The following FRAS1 variants were observed in gnomAD, a reference collection of about 807,000 sequenced individuals.
FRAS1 encodes the protein Fraser extracellular matrix complex subunit 1.
FRAS1 carries 290 observed loss-of-function variants against 435.2 expected under a neutral mutation model. The ratio of observed to expected loss-of-function variants is 0.67; its 90% CI spans 0.61 to 0.73. FRAS1 has a LOEUF of 0.73. FRAS1 is among the 30% of genes least tolerant of loss of function. The probability of loss-of-function intolerance (pLI) is 0.00; values close to 1 mark genes in which losing one functional copy is unlikely to be tolerated. For synonymous variants in FRAS1, 1,800 were observed against 1,851.0 expected, an observed-to-expected ratio of 0.97 and a Z score of 0.71; for missense variants, 4,860 against 5,001.5, an observed-to-expected ratio of 0.97 and a Z score of 0.85.
intron 66 of FRAS1, among the ~76,000 whole-genome samples, chr4:78,517,037 A>G (rs919038212): frequency 3.3e-5 from 5 of 152,230 alleles, no homozygotes; most frequent in Admixed American, 6.5e-5. Context: ...ATTCTAAAAC[A>G]GGTTCTATCC....
chr4:78,308,154 C>A lies in FRAS1; in HGVS notation c.1623C>A (p.Gly541=), dbSNP rs371293049. ...CRDPLHVLRD[G]GCESSCGKGF... is the part of the protein sequence containing the mutation. ...ATCCCCTCCACGTGCTGAGAGATGGCGGCTGTGAGAGCAGCTGTGGAAAAG... is the reference window on the plus strand; with the variant it reads ...ATCCCCTCCACGTGCTGAGAGATGGAGGCTGTGAGAGCAGCTGTGGAAAAG... The change falls in exon 15 of 74, where the codon GGC becomes GGA. Residue 541 remains glycine, a synonymous_variant. Coordinates refer to ENST00000512123, the MANE Select transcript of FRAS1 (RefSeq NM_025074.7). The A allele has an allele frequency of 3.5e-5, 57 of 1,613,834 alleles. 1 individual carries two copies. The South Asian group carries it at 5.7e-4, about 16-fold the overall frequency.
Position 78,240,542 on chromosome 4 carries a change from G to C in FRAS1, c.216+2925G>C, listed in dbSNP as rs565853220. Among the ~76,000 whole-genome samples the C allele has an allele frequency of 2.0e-5, 3 of 152,276 alleles. No individual in the cohort carries two copies. The East Asian group carries it at 5.8e-4, about 29-fold the overall frequency. ...AGGATTAAGAAAAACAGCCCATCTG[G>C]GAAAAATGGCAATTTCAGTTTGGGA... On this transcript the variant is annotated intron_variant, in intron 3 of 73. Coordinates refer to ENST00000512123, the MANE Select transcript of FRAS1 (RefSeq NM_025074.7).
chr4:78,330,578 G>A (rs1473620518), intron 18 of FRAS1, among the ~76,000 whole-genome samples: 1 of 151,062 alleles, frequency 6.6e-6, no homozygotes, highest in Admixed American at 6.6e-5. Flanking sequence ...AAGAGAATGC[G>A]CGCCTGGGGG....
At chr4:78,396,300 T>C (rs1400261818) in intron 29 of FRAS1, among the ~76,000 whole-genome samples, 1 of 152,238 alleles carries the variant, frequency 6.6e-6, no homozygotes, top group Non-Finnish European at 1.5e-5. Context: ...ATTCTCACTT[T>C]GATTATATTC....
intron 1 of FRAS1, among the ~76,000 whole-genome samples, chr4:78,058,913 T>A (rs1739605444): frequency 6.6e-6 from 1 of 152,192 alleles, no homozygotes. Flanking sequence ...CGAGGCGCTG[T>A]GAGCTCCCTC....
chr4:78,233,552 A>C (rs1467793713), intron 2 of FRAS1, among the ~76,000 whole-genome samples: 1 of 152,262 alleles, frequency 6.6e-6, no homozygotes, highest in African/African-American at 2.4e-5. Flanking sequence ...CCTGTGACAT[A>C]ATATAAAACA....
chr4:78,196,601 T>C (rs537930194), intron 2 of FRAS1, among the ~76,000 whole-genome samples: 11 of 19,182 alleles, frequency 5.7e-4, no homozygotes, highest in African/African-American at 8.2e-4. Flanking sequence ...TAAATTTAGA[T>C]AACTTTTTTT....
Position 78,511,279 on chromosome 4 carries a change from G to C in FRAS1, c.9786G>C (p.Leu3262=). Reference sequence around the variant, plus strand: ...TGATTTTTTCTTCCTGTTAGGTCCTGGACAGCATTTACTTCAGCCGGAGGT... The same window carrying C: ...TGATTTTTTCTTCCTGTTAGGTCCTCGACAGCATTTACTTCAGCCGGAGGT... ...TPFTSVNHMV[L]DSIYFSRRFH... Residue 3262 remains leucine (L), a synonymous_variant, in exon 64 of 74, where the codon CTG becomes CTC. Coordinates refer to ENST00000512123, the MANE Select transcript of FRAS1 (RefSeq NM_025074.7). 1 of 1,596,774 alleles carries C rather than the reference G, an allele frequency of 6.3e-7. No individual in the cohort carries two copies. Among genetic ancestry groups the C allele is most frequent in the Non-Finnish European group, 8.6e-7 (1 of 1,168,288 alleles).
chr4:78,527,350 T>C (rs1259149962), intron 70 of FRAS1, among the ~76,000 whole-genome samples: 3 of 133,800 alleles, frequency 2.2e-5, no homozygotes, highest in Admixed American at 2.2e-4. Context: ...TCATTCATAT[T>C]TATTCAGCTC....
At chr4:78,490,972 G>A (rs1163474066) in intron 59 of FRAS1, among the ~76,000 whole-genome samples, 1 of 151,970 alleles carries the variant, frequency 6.6e-6, no homozygotes, top group Non-Finnish European at 1.5e-5. Flanking sequence ...TGATAAAGGG[G>A]ATATCACCAC....
chr4:78,526,406 G>C (rs1721535592), intron 69 of FRAS1, 135 bp from the exon 70 acceptor site: 1 of 580,474 alleles, frequency 1.7e-6, no homozygotes, highest in South Asian at 2.5e-5. Flanking sequence ...AATGGTGTTT[G>C]CAGACTTGTA....
intron 67 of FRAS1, 142 bp from the exon 68 acceptor site, chr4:78,521,381 T>A (rs959475262): frequency 1.9e-5 from 11 of 580,630 alleles, no homozygotes; most frequent in Admixed American, 7.5e-5. Context: ...CATATGTTTC[T>A]ATAGACATAT....
At chr4:78,471,647 G>A (rs1719712895) in intron 51 of FRAS1, among the ~76,000 whole-genome samples, 1 of 152,068 alleles carries the variant, frequency 6.6e-6, no homozygotes, top group East Asian at 1.9e-4. Context: ...TCAAATCTTG[G>A]CTCTCACTAA....
intron 2 of FRAS1, among the ~76,000 whole-genome samples, chr4:78,119,096 G>C (rs141395083): frequency 6.6e-6 from 1 of 152,118 alleles, no homozygotes; most frequent in Non-Finnish European, 1.5e-5. Flanking sequence ...CATGAGGTAC[G>C]TAAGGATGTT....
At chr4:78,073,042 G>A (rs1740438888) in intron 2 of FRAS1, among the ~76,000 whole-genome samples, 1 of 152,124 alleles carries the variant, frequency 6.6e-6, no homozygotes. Context: ...GCACTAGAGT[G>A]TGCAGTGAAG....
At chr4:78,414,086 C>T (rs559923705) in intron 32 of FRAS1, among the ~76,000 whole-genome samples, 153 of 152,228 alleles carry the variant, frequency 1.0e-3, no homozygotes, top group African/African-American at 3.7e-3. Context: ...TGGGTTATGA[C>T]AGAGACATAA....
chr4:78,238,352 TA>T lies in FRAS1; in HGVS notation c.216+741del, dbSNP rs1258838252. 2.5e-3 allele frequency among the ~76,000 whole-genome samples: 370 copies of T among 148,898 alleles called. 20 individuals carry two copies. Among genetic ancestry groups the T allele is most frequent in the African/African-American group, 8.5e-3 (351 of 41,180 alleles). ...TTCTTTTTAAAGTGAATCTATTTTT[TA>T]AAAAAGCTTAAGCTTTAAATTTGAA... On this transcript the variant is annotated intron_variant, in intron 3 of 73. Transcript: ENST00000512123.
At chr4:78,301,558 G>C (rs773082955) in intron 14 of FRAS1, among the ~76,000 whole-genome samples, 1 of 152,192 alleles carries the variant, frequency 6.6e-6, no homozygotes, top group Non-Finnish European at 1.5e-5. Flanking sequence ...ATGTCAAGTA[G>C]GACTGGGTCC....
At chr4:78,525,820 G>A (rs1420789503) in intron 69 of FRAS1, among the ~76,000 whole-genome samples, 1 of 152,182 alleles carries the variant, frequency 6.6e-6, no homozygotes, top group Non-Finnish European at 1.5e-5. Flanking sequence ...TAGGAGAGAG[G>A]TCCAAAGGCT....
Sources: allele counts gnomAD v4.1 joint callset (sites outside exome capture counted in the v4.1 genomes callset), GRCh38; gene constraint gnomAD v4.1.1; transcripts MANE v1.5; gene names NCBI Gene and HGNC (gene_info 2026-07-23, HGNC 2026-07-21).